The following EMSY variants were observed in gnomAD, a reference collection of about 807,000 sequenced individuals.
The protein encoded by EMSY is EMSY transcriptional repressor, BRCA2 interacting, also known as BRCA2-interacting transcriptional repressor EMSY.
EMSY carries 26 observed loss-of-function variants against 134.6 expected under a neutral mutation model. The ratio of observed to expected loss-of-function variants is 0.19; its 90% CI spans 0.14 to 0.27. EMSY has a LOEUF of 0.27. Among genes scored for constraint, EMSY ranks in the 10% least tolerant of loss-of-function variants. The probability of loss-of-function intolerance (pLI) is 1.00; values close to 1 mark genes in which losing one functional copy is unlikely to be tolerated. For synonymous variants in EMSY, 579 were observed against 577.8 expected, an observed-to-expected ratio of 1.00 and a Z score of -0.03; for missense variants, 1,305 against 1,611.4, an observed-to-expected ratio of 0.81 and a Z score of 3.26.
At chr11:76,525,076 A>G (rs1470371246) in intron 12 of EMSY, among the ~76,000 whole-genome samples, 3 of 152,170 alleles carry the variant, frequency 2.0e-5, no homozygotes, top group African/African-American at 7.2e-5. Flanking sequence ...TTGCTCACCT[A>G]TGCATGCCCA....
At chr11:76,493,046 C>T (rs1042578941) in intron 8 of EMSY, among the ~76,000 whole-genome samples, 79 of 152,190 alleles carry the variant, frequency 5.2e-4, no homozygotes, top group African/African-American at 1.8e-3. Context: ...TCCGTGTGCT[C>T]TCAGGGGCCA....
At chr11:76,526,755 TA>T in intron 13 of EMSY, 120 bp downstream of exon 14, 1 of 979,972 alleles carries the variant, frequency 1.0e-6, no homozygotes, top group African/African-American at 1.7e-5. Flanking sequence ...TGTTAAAAGT[TA>T]TGTTTGAATG....
chr11:76,527,672 A>G (rs1188751794), intron 13 of EMSY, among the ~76,000 whole-genome samples: 1 of 151,824 alleles, frequency 6.6e-6, no homozygotes, highest in African/African-American at 2.4e-5. Flanking sequence ...GTTGCTTCTG[A>G]TAGTTGTCAA....
intron 9 of EMSY, among the ~76,000 whole-genome samples, chr11:76,499,391 C>T (rs1436789500): frequency 7.0e-6 from 1 of 142,784 alleles, no homozygotes; most frequent in East Asian, 2.1e-4. Context: ...GGGTTCACAC[C>T]ATTCTCCTGC....
At chr11:76,544,525 G>T (rs757582847) in exon 19 of EMSY, 4 of 1,613,986 alleles carry the variant, frequency 2.5e-6, no homozygotes, top group East Asian at 4.5e-5. Context: ...ACAAACTCCC[G>T]CAAATGCCCC....
At chr11:76,518,184 T>C (rs1424280409) in intron 11 of EMSY, among the ~76,000 whole-genome samples, 2 of 150,096 alleles carry the variant, frequency 1.3e-5, no homozygotes, top group African/African-American at 2.5e-5. Context: ...TTTTTTTTTT[T>C]TTTAAGACAG....
intron 9 of EMSY, among the ~76,000 whole-genome samples, chr11:76,502,171 A>G (rs1159749952): frequency 6.6e-6 from 1 of 151,306 alleles, no homozygotes; most frequent in African/African-American, 2.4e-5. Flanking sequence ...GACCCACCTT[A>G]CAAGAGACAC....
intron 19 of EMSY, 38 bp from the exon 21 acceptor site, chr11:76,545,759 A>G: frequency 6.4e-7 from 1 of 1,552,000 alleles, no homozygotes. Context: ...TCTCAAAGAG[A>G]TGTAGCTATA....
At chr11:76,526,920 G>T (rs1474584840) in intron 13 of EMSY, among the ~76,000 whole-genome samples, 3 of 152,096 alleles carry the variant, frequency 2.0e-5, no homozygotes, top group African/African-American at 7.2e-5. Context: ...GATTTGAGGG[G>T]GGTGGTTGAG....
At chr11:76,472,670 C>G (rs1948620263) in exon 8 of EMSY, 1 of 1,614,086 alleles carries the variant, frequency 6.2e-7, no homozygotes, top group Admixed American at 1.7e-5. Context: ...TCAGTCATTG[C>G]TTCTACAACC....
intron 6 of EMSY, among the ~76,000 whole-genome samples, chr11:76,462,916 G>C (rs1035230693): frequency 6.6e-6 from 1 of 152,236 alleles, no homozygotes; most frequent in Non-Finnish European, 1.5e-5. Context: ...TAGTAGGATT[G>C]AGGGTAGATA....
intron 4 of EMSY, 56 bp downstream of exon 5, chr11:76,454,846 G>A: frequency 7.8e-7 from 1 of 1,277,860 alleles, no homozygotes; most frequent in Non-Finnish European, 1.1e-6. Flanking sequence ...TTTCCAAATT[G>A]AAGCTCTCAA....
chr11:76,454,740 C>T lies in EMSY; in HGVS notation c.245+1352C>T. On this transcript the variant is annotated intron_variant, in intron 4 of 20. Transcript: ENST00000334736. ...ATTTAGTCTCCTTTTCCTTTTTTCC[C>T]CTTTAAAGAATGAATTTATCCTTAT... The T allele has an allele frequency of 2.1e-6, 3 of 1,446,298 alleles. No individual in the cohort carries two copies. The highest frequency in any genetic ancestry group is 2.5e-5 in the South Asian group (2 of 79,474). The allele number at this position is 1,446,298 out of a possible 1,614,324, so 89.6% of individuals were successfully genotyped here.
At chr11:76,480,355 A>T (rs538498228) in intron 8 of EMSY, among the ~76,000 whole-genome samples, 3 of 152,188 alleles carry the variant, frequency 2.0e-5, no homozygotes, top group Non-Finnish European at 4.4e-5. Flanking sequence ...ACAAAAAAGC[A>T]TGTATTACTA....
intron 10 of EMSY, 23 bp from the exon 12 acceptor site, chr11:76,516,118 CT>C (rs1315303530): frequency 6.3e-7 from 1 of 1,590,946 alleles, no homozygotes; most frequent in Non-Finnish European, 8.6e-7. Flanking sequence ...ACAAGTTTTT[CT>C]TTTGGCTTTT....
At chr11:76,535,494 C>A (rs564853241) in intron 14 of EMSY, among the ~76,000 whole-genome samples, 47 of 152,264 alleles carry the variant, frequency 3.1e-4, no homozygotes, top group African/African-American at 1.1e-3. Context: ...TATACACAAA[C>A]ATGCACTCAC....
chr11:76,467,191 T>C (rs74699569), intron 7 of EMSY, among the ~76,000 whole-genome samples: 2,547 of 152,360 alleles, frequency 0.017, 49 homozygotes, highest in East Asian at 0.093. Context: ...ATTATAGTTA[T>C]TGCTTTCTAA....
chr11:76,449,254 A>G (rs898994822), intron 2 of EMSY, among the ~76,000 whole-genome samples: 4 of 152,232 alleles, frequency 2.6e-5, no homozygotes, highest in Non-Finnish European at 5.9e-5. Context: ...ATGGACATCA[A>G]CAAATGTGAA....
intron 7 of EMSY, among the ~76,000 whole-genome samples, chr11:76,466,165 GTAAATTCT>G (rs1948345793): frequency 6.6e-6 from 1 of 152,210 alleles, no homozygotes; most frequent in South Asian, 2.1e-4. Flanking sequence ...CCTCATGACA[GTAAATTCT>G]TAGCCTTCCC....
Sources: gnomAD v4.1 joint callset for allele counts (sites outside exome capture counted in the v4.1 genomes callset) on GRCh38, gnomAD v4.1.1 for gene constraint, MANE v1.5 for transcripts, NCBI Gene and HGNC (gene_info 2026-07-23, HGNC 2026-07-21) for gene names.